PRPF3: variants seen among roughly 807,000 people sequenced by gnomAD.
PRPF3 encodes U4/U6 small nuclear ribonucleoprotein Prp3.
Under a neutral mutation model 89.2 loss-of-function variants are expected in PRPF3, and 3 were observed. The ratio of observed to expected loss-of-function variants is 0.03; its 90% CI spans 0.02 to 0.09. The LOEUF is 0.09. Among genes scored for constraint, PRPF3 ranks in the 10% least tolerant of loss-of-function variants. The pLI is 1.00. For missense variants in PRPF3, 463 were observed against 828.8 expected (o/e 0.56, Z 5.42); for synonymous variants, 270 against 289.1 (o/e 0.93, Z 0.67).
chr1:150,331,705 G>GA (rs1247432331), intron 4 of PRPF3, among the ~76,000 whole-genome samples: 1 of 152,048 alleles, frequency 6.6e-6, no homozygotes, highest in Non-Finnish European at 1.5e-5. Context: ...ACCTATTCAA[G>GA]AAAAAATGTT....
intron 14 of PRPF3, chr1:150,348,923 G>A (rs1424166309): frequency 1.3e-5 from 7 of 529,418 alleles, no homozygotes; most frequent in African/African-American, 9.6e-5. Context: ...AGTACCTGGT[G>A]GAGCTCTTGA....
Position 150,332,756 on chromosome 1 carries a change from C to A in PRPF3, c.496C>A (p.Pro166Thr). The A allele has an allele frequency of 6.2e-7, 1 of 1,614,064 alleles. No individual in the cohort carries two copies. The highest frequency in any genetic ancestry group is 8.5e-7 in the Non-Finnish European group (1 of 1,179,962). Reference protein sequence around the residue: ...RKKQLSFISPPTPQPKTPSSS... With the variant: ...RKKQLSFISPTTPQPKTPSSS... ...AAAACAGCTGAGCTTCATTAGCCCC[C>A]CTACACCTCAGGTATTGTGTCTAGA... Residue 166 changes from proline (P) to threonine (T), a missense_variant, in exon 5 of 16, where the codon CCT becomes ACT. Around this residue, in one of 8 missense-constraint regions of PRPF3, gnomAD observed 38 missense variants for 48.3 expected, o/e 0.79. Coordinates refer to ENST00000324862, the MANE Select transcript of PRPF3 (RefSeq NM_004698.4).
chr1:150,339,717 C>T (rs1042354317), intron 8 of PRPF3, among the ~76,000 whole-genome samples: 2 of 147,832 alleles, frequency 1.4e-5, no homozygotes, highest in African/African-American at 2.5e-5. Context: ...GGATTACAGG[C>T]ATGAGCCACC....
chr1:150,350,576 A>G (rs1048533324), intron 15 of PRPF3, among the ~76,000 whole-genome samples: 3 of 152,198 alleles, frequency 2.0e-5, no homozygotes, highest in Non-Finnish European at 2.9e-5. Context: ...GCTTATTTCT[A>G]TTAATGAATT....
At chr1:150,350,850 A>G (rs377415032) in intron 15 of PRPF3, among the ~76,000 whole-genome samples, 22 of 152,260 alleles carry the variant, frequency 1.4e-4, no homozygotes, top group African/African-American at 5.1e-4. Flanking sequence ...AGTCCCAGCT[A>G]CTTGAGAGGC....
At chr1:150,344,592 A>C in intron 12 of PRPF3, 45 bp downstream of exon 12, 1 of 1,596,204 alleles carries the variant, frequency 6.3e-7, no homozygotes, top group Admixed American at 1.7e-5. Flanking sequence ...AATTACTAAA[A>C]CATTTTCCAA....
At chr1:150,332,097 G>A (rs587737400) in intron 4 of PRPF3, among the ~76,000 whole-genome samples, 47 of 151,912 alleles carry the variant, frequency 3.1e-4, no homozygotes, top group African/African-American at 9.7e-4. Context: ...GGTGGTGGGC[G>A]CCTATAGTCC....
At position 150,346,461 on chromosome 1, in the gene PRPF3, G is replaced by A; in HGVS notation, c.1813G>A (p.Asp605Asn). The change falls in exon 14 of 16, where the codon GAT becomes AAT. Residue 605 changes from aspartate to asparagine, a missense_variant. Physicochemically the swap from Asp to Asn is conservative, Grantham distance 23 (BLOSUM62 1). Transcript: ENST00000324862. ...KRLMLHRIKW[D>N]EQTSNTKGDD... ...TCTTATGCTGCATCGGATAAAGTGG[G>A]ATGAACAGACATCTAACACAAAGGG... The A allele has an allele frequency of 3.1e-6, 5 of 1,613,910 alleles. No individual in the cohort carries two copies. The highest frequency in any genetic ancestry group is 2.7e-5 in the African/African-American group (2 of 75,004).
In PRPF3 at chr1:150,338,246, T is replaced by C; in HGVS notation, c.1122T>C (p.Ala374=). The C allele has an allele frequency of 6.2e-7, 1 of 1,614,068 alleles. No individual in the cohort carries two copies. The highest frequency in any genetic ancestry group is 2.2e-5 in the East Asian group (1 of 44,878). ...IHTSTRLALI[A]PKKELKEGDI... ...CTTCGACTAGGCTTGCCCTCATTGC[T>C]CCTAAGAAGGAGCTAAAGGAAGGAG... The change falls in exon 8 of 16, where the codon GCT becomes GCC. Residue 374 remains alanine, a synonymous_variant. Coordinates refer to ENST00000324862, the MANE Select transcript of PRPF3 (RefSeq NM_004698.4).
At chr1:150,338,095 A>G in intron 7 of PRPF3, 65 bp from the exon 8 acceptor site, 1 of 1,491,732 alleles carries the variant, frequency 6.7e-7, no homozygotes, top group Non-Finnish European at 9.2e-7. Context: ...AAAAATTGAG[A>G]TTCTACACAT....
chr1:150,351,346 G>C (rs1658904169), intron 15 of PRPF3, among the ~76,000 whole-genome samples: 1 of 151,886 alleles, frequency 6.6e-6, no homozygotes, highest in South Asian at 2.1e-4. Context: ...TTCTTCTGAA[G>C]GAGCAATCAA....
In PRPF3 at chr1:150,339,493, G is replaced by A. The variant is rs1262544977; in HGVS notation, c.1203-905G>A. On this transcript the variant is annotated intron_variant, in intron 8 of 15. Coordinates refer to ENST00000324862, the MANE Select transcript of PRPF3 (RefSeq NM_004698.4). ...CTCTTGTTGCCCAGGCTGGAGTGCA[G>A]TGGAGCAATCTTGGTTCACCACAGC... Among the ~76,000 whole-genome samples, 3 of 150,526 alleles carry A rather than the reference G, an allele frequency of 2.0e-5. No individual in the cohort carries two copies. In the Admixed American group the frequency reaches 2.0e-4, roughly 10 times the overall value.
At chr1:150,342,962 T>C (rs1276016595) in intron 9 of PRPF3, among the ~76,000 whole-genome samples, 1 of 152,218 alleles carries the variant, frequency 6.6e-6, no homozygotes, top group African/African-American at 2.4e-5. Context: ...AGCCACTGTG[T>C]CCAGCCTAAA....
intron 7 of PRPF3, among the ~76,000 whole-genome samples, chr1:150,337,838 G>T (rs1210306719): frequency 6.6e-6 from 1 of 152,042 alleles, no homozygotes; most frequent in East Asian, 1.9e-4. Context: ...ACTTTGGGAG[G>T]CCGAGGCGGG....
At chr1:150,345,908 C>T in intron 12 of PRPF3, 110 bp from the exon 13 acceptor site, 1 of 835,174 alleles carries the variant, frequency 1.2e-6, no homozygotes. Flanking sequence ...CTCCAGAGGC[C>T]TTTGTTTATA....
At chr1:150,328,829 A>G (rs1462919057) in intron 4 of PRPF3, among the ~76,000 whole-genome samples, 2 of 151,812 alleles carry the variant, frequency 1.3e-5, no homozygotes, top group Admixed American at 1.3e-4. Context: ...CTAGAATTAC[A>G]GGAGCGAGCC....
chr1:150,341,400 A>ATTTTTTT (rs1169772517), intron 9 of PRPF3, among the ~76,000 whole-genome samples: 12 of 101,862 alleles, frequency 1.2e-4, no homozygotes, highest in African/African-American at 3.3e-4. Context: ...AGTTGCTTCT[A>ATTTTTTT]TTTTTTTTTT....
chr1:150,352,391 C>T (rs1436181256), intron 15 of PRPF3, among the ~76,000 whole-genome samples: 1 of 152,176 alleles, frequency 6.6e-6, no homozygotes, highest in African/African-American at 2.4e-5. Flanking sequence ...GGAGGCCGGG[C>T]GCGGTGGCTC....
At chr1:150,349,249 C>T in intron 15 of PRPF3, 31 bp downstream of exon 15, 1 of 1,493,692 alleles carries the variant, frequency 6.7e-7, no homozygotes, top group Middle Eastern at 1.8e-4. Flanking sequence ...CATTGTAAAA[C>T]TTTAGCCAAC....
Sources: gnomAD v4.1 joint callset for allele counts (sites outside exome capture counted in the v4.1 genomes callset) on GRCh38, gnomAD v4.1.1 for gene constraint, gnomAD v4.1.1 regional missense constraint, MANE v1.5 for transcripts, NCBI Gene and HGNC (gene_info 2026-07-23, HGNC 2026-07-21) for gene names.